The following XKR9 variants were observed in gnomAD, a reference collection of about 807,000 sequenced individuals.
XKR9 encodes XK-related protein 9.
Under a neutral mutation model 32.0 loss-of-function variants are expected in XKR9, and 32 were observed. That is an observed-to-expected ratio of 1.00 (90% CI 0.76 to 1.34). The LOEUF (loss-of-function observed/expected upper bound fraction) is 1.34. XKR9 is among the 40% of genes most tolerant of loss of function. The probability of loss-of-function intolerance (pLI) is 0.00; values close to 1 mark genes in which losing one functional copy is unlikely to be tolerated. For synonymous variants in XKR9, 168 were observed against 143.4 expected (o/e 1.17, Z -1.22); for missense variants, 546 against 429.7 (o/e 1.27, Z -2.39).
chr8:70,888,616 A>G, the XKR9 span, among the ~76,000 whole-genome samples: 1 of 151,874 alleles, frequency 6.6e-6, no homozygotes, highest in African/African-American at 2.4e-5. Flanking sequence ...ATCCATTTAG[A>G]TTTGATTTTT....
chr8:70,815,239 T>C, the XKR9 span, among the ~76,000 whole-genome samples: 1 of 152,040 alleles, frequency 6.6e-6, no homozygotes, highest in Non-Finnish European at 1.5e-5. Flanking sequence ...GTCATGGGGG[T>C]TTGTTGTACA....
At chr8:70,836,311 T>C in the XKR9 span, among the ~76,000 whole-genome samples, 2 of 152,162 alleles carry the variant, frequency 1.3e-5, no homozygotes. Context: ...TTCCAAAATA[T>C]GGAGCATTAC....
the XKR9 span, among the ~76,000 whole-genome samples, chr8:70,798,935 T>C: frequency 6.6e-6 from 1 of 152,226 alleles, no homozygotes; most frequent in Non-Finnish European, 1.5e-5. Context: ...AGTACCATGC[T>C]CTTTTGGTTA....
At chr8:70,774,048 C>G (rs1483133516) in intron 2 of XKR9, among the ~76,000 whole-genome samples, 2 of 152,080 alleles carry the variant, frequency 1.3e-5, no homozygotes, top group Non-Finnish European at 2.9e-5. Flanking sequence ...TCCTTGAGGT[C>G]ATACTTCAGA....
At chr8:70,803,931 C>T in the XKR9 span, among the ~76,000 whole-genome samples, 1 of 152,152 alleles carries the variant, frequency 6.6e-6, no homozygotes, top group South Asian at 2.1e-4. Flanking sequence ...AGGTGTTGCC[C>T]TCCTGGCAAC....
chr8:70,686,533 TC>T (rs1314263674), intron 3 of XKR9, among the ~76,000 whole-genome samples: 2 of 151,964 alleles, frequency 1.3e-5, no homozygotes, highest in Admixed American at 6.6e-5. Context: ...AACCTCCGCC[TC>T]CCAGGTTCAA....
At position 70,685,179 on chromosome 8, in the gene XKR9, G is replaced by C. The variant is rs533053877; in HGVS notation, c.272+3849G>C. ...ACTACGCAGCCATAAAAAATGAAGA[G>C]TTCATGTCCTTTGTAGGGACATGGG... On this transcript the variant is annotated intron_variant, in intron 3 of 4. Coordinates refer to ENST00000408926, the MANE Select transcript of XKR9 (RefSeq NM_001011720.2). Among the ~76,000 whole-genome samples, 195 of 151,744 alleles carry C rather than the reference G, an allele frequency of 1.3e-3. 1 individual carries two copies. Among genetic ancestry groups the C allele is most frequent in the African/African-American group, 4.4e-3 (183 of 41,310 alleles).
downstream of XKR9, among the ~76,000 whole-genome samples, chr8:70,739,377 G>C (rs1327071451): frequency 6.6e-6 from 1 of 152,068 alleles, no homozygotes; most frequent in African/African-American, 2.4e-5. Context: ...ACATGAGATG[G>C]GTTTCCTGAA....
the XKR9 span, among the ~76,000 whole-genome samples, chr8:70,813,152 A>T: frequency 6.6e-6 from 1 of 152,182 alleles, no homozygotes; most frequent in East Asian, 1.9e-4. Flanking sequence ...ATCTACAACC[A>T]TCTGATCTTT....
the XKR9 span, among the ~76,000 whole-genome samples, chr8:71,043,090 A>G: frequency 1.3e-5 from 2 of 152,178 alleles, no homozygotes; most frequent in Non-Finnish European, 2.9e-5. Context: ...TTAGATCTCA[A>G]CCGCTAAGTG....
the XKR9 span, among the ~76,000 whole-genome samples, chr8:70,876,806 A>G: frequency 1.3e-5 from 2 of 152,018 alleles, no homozygotes; most frequent in Non-Finnish European, 2.9e-5. Context: ...TTTTTATACA[A>G]CTTGTGTGTG....
chr8:71,000,915 A>G, the XKR9 span, among the ~76,000 whole-genome samples: 4 of 152,206 alleles, frequency 2.6e-5, no homozygotes, highest in Non-Finnish European at 4.4e-5. Context: ...TTCTTCTTGG[A>G]AGGGTAACAA....
chr8:71,040,669 G>A, the XKR9 span, among the ~76,000 whole-genome samples: 4 of 152,122 alleles, frequency 2.6e-5, no homozygotes, highest in Admixed American at 2.6e-4. Context: ...TTTTTGTCCT[G>A]CAGAGTTCCT....
the XKR9 span, among the ~76,000 whole-genome samples, chr8:70,831,282 C>A: frequency 4.2e-5 from 5 of 119,372 alleles, no homozygotes; most frequent in Non-Finnish European, 8.6e-5. Flanking sequence ...CAGAGCTAGA[C>A]TCTGTCTCAA....
At chr8:70,887,858 G>A in the XKR9 span, among the ~76,000 whole-genome samples, 4 of 152,030 alleles carry the variant, frequency 2.6e-5, no homozygotes, top group Non-Finnish European at 5.9e-5. Context: ...ATATAATCAT[G>A]TCGTCTGCAA....
At chr8:70,935,070 C>T in the XKR9 span, among the ~76,000 whole-genome samples, 1 of 148,340 alleles carries the variant, frequency 6.7e-6, no homozygotes, top group African/African-American at 2.5e-5. Flanking sequence ...ACTTGGTTAG[C>T]TATTTGATAT....
At chr8:70,967,474 A>G in the XKR9 span, among the ~76,000 whole-genome samples, 3 of 152,166 alleles carry the variant, frequency 2.0e-5, no homozygotes, top group Admixed American at 2.0e-4. Flanking sequence ...CGATCCTGTC[A>G]TGATGATATT....
At chr8:70,993,601 T>TCCTTCCTTCCTTCCTTCCTTCCTTC in the XKR9 span, among the ~76,000 whole-genome samples, 1 of 105,124 alleles carries the variant, frequency 9.5e-6, no homozygotes, top group Non-Finnish European at 2.2e-5. Context: ...TCATAGGACA[T>TCCTTCCTTCCTTCCTTCCTTCCTTC]CTTCCTTCCT....
intron 3 of XKR9, among the ~76,000 whole-genome samples, chr8:70,683,860 C>T (rs1459795395): frequency 1.3e-5 from 2 of 152,164 alleles, no homozygotes; most frequent in Non-Finnish European, 2.9e-5. Flanking sequence ...CTGTTGGTGA[C>T]ATCACCTCTC....
Sources: allele counts gnomAD v4.1 joint callset (sites outside exome capture counted in the v4.1 genomes callset), GRCh38; gene constraint gnomAD v4.1.1; transcripts MANE v1.5; gene names NCBI Gene and HGNC (gene_info 2026-07-23, HGNC 2026-07-21).